The following NOL4L variants were observed in gnomAD, a reference collection of about 807,000 sequenced individuals.
The protein encoded by NOL4L is nucleolar protein 4 like.
A neutral mutation model predicts 64.5 loss-of-function variants in NOL4L; 7 were observed. The ratio of observed to expected loss-of-function variants is 0.11; its 90% CI spans 0.06 to 0.20. The LOEUF is 0.20. Ranked by LOEUF, NOL4L falls within the 10% of genes least tolerant of loss-of-function variation. NOL4L has a pLI of 1.00. For synonymous variants in NOL4L, 413 were observed against 401.0 expected, an observed-to-expected ratio of 1.03 and a Z score of -0.36; for missense variants, 680 against 967.1, an observed-to-expected ratio of 0.70 and a Z score of 3.94.
intron 5 of NOL4L, among the ~76,000 whole-genome samples, chr20:32,456,698 C>T (rs915935185): frequency 6.6e-6 from 1 of 152,212 alleles, no homozygotes; most frequent in Non-Finnish European, 1.5e-5. Context: ...GGAGACCGAG[C>T]TCCAAGGGTT....
At position 32,460,204 on chromosome 20, in the gene NOL4L, C is replaced by CCA. The variant is rs1041091232; in HGVS notation, c.842-3811_842-3810dup. ...GGCAAATTTTATGTCACACATTTTA[C>CCA]CACACACACAGAACCCAGACCAAAA... is the stretch of plus-strand genomic sequence containing the variant. On this transcript the variant is annotated intron_variant, in intron 5 of 10. Coordinates refer to ENST00000621426, the MANE Select transcript of NOL4L (RefSeq NM_001256798.2). This position sits in a 1 kb window ranked among gnomAD's most constrained non-coding sequence, Gnocchi z 5.7. 2.0e-5 allele frequency among the ~76,000 whole-genome samples: 3 copies of CCA among 152,190 alleles called. No individual in the cohort carries two copies. The highest frequency in any genetic ancestry group is 7.2e-5 in the African/African-American group (3 of 41,444).
At chr20:32,498,175 T>G (rs976575114) in intron 4 of NOL4L, among the ~76,000 whole-genome samples, 12 of 152,248 alleles carry the variant, frequency 7.9e-5, no homozygotes, top group Non-Finnish European at 1.8e-4. Flanking sequence ...GACAGGGTGG[T>G]GGCTGTTTTC....
At chr20:32,512,552 G>A (rs941905879) in intron 3 of NOL4L, among the ~76,000 whole-genome samples, 2 of 152,180 alleles carry the variant, frequency 1.3e-5, no homozygotes, top group African/African-American at 4.8e-5. Context: ...GCAAAGTACA[G>A]AAAGATGTAA....
chr20:32,471,033 G>C (rs540103457), intron 5 of NOL4L, among the ~76,000 whole-genome samples: 5 of 152,374 alleles, frequency 3.3e-5, no homozygotes, highest in Non-Finnish European at 7.3e-5. Context: ...GGACTTCAGA[G>C]TGTGGGGAAC....
intron 1 of NOL4L, among the ~76,000 whole-genome samples, chr20:32,553,394 G>A (rs1056104857): frequency 3.3e-5 from 5 of 152,042 alleles, no homozygotes; most frequent in East Asian, 1.9e-4. Flanking sequence ...ACTTCCTGCC[G>A]CAGGGCCTTT....
rs531745155 is a variant in NOL4L at position 32,516,190 on chromosome 20, G to A, written c.589+4621C>T. ...GCGTCGAAGGATGTGTGCACGATGG[G>A]GGCCTGGCACAGAGAGGCCGTGAGA... is the stretch of plus-strand genomic sequence containing the variant. On this transcript the variant is annotated intron_variant, in intron 3 of 10. Coordinates refer to ENST00000621426, the MANE Select transcript of NOL4L (RefSeq NM_001256798.2). Among the ~76,000 whole-genome samples the A allele has an allele frequency of 3.3e-5, 5 of 152,194 alleles. No individual in the cohort carries two copies. In the South Asian group the frequency reaches 6.2e-4, roughly 19 times the overall value.
chr20:32,514,709 T>C (rs573100447), intron 3 of NOL4L, among the ~76,000 whole-genome samples: 4 of 152,198 alleles, frequency 2.6e-5, no homozygotes, highest in East Asian at 1.9e-4. Flanking sequence ...GCCCCATACA[T>C]TGACCGGGTC....
chr20:32,447,180 A>C lies in NOL4L; in HGVS notation c.*416T>G. 1 of 461,220 alleles carries C rather than the reference A, an allele frequency of 2.2e-6. No individual in the cohort carries two copies. Among genetic ancestry groups the C allele is most frequent in the African/African-American group, 2.0e-5 (1 of 50,058 alleles). 28.6% of individuals were successfully genotyped at this position (461,220 alleles called of 1,614,324 possible). On this transcript the variant is annotated 3_prime_UTR_variant, in exon 11 of 11. Coordinates refer to ENST00000621426, the MANE Select transcript of NOL4L (RefSeq NM_001256798.2). The stretch of plus-strand genomic sequence containing the variant: ...CAGAAAAATAAATTACTAAGGGGAG[A>C]GGAAGAAAGGGTCCACTTTGCTTTT...
chr20:32,528,205 CG>C (rs2018208693), intron 1 of NOL4L, among the ~76,000 whole-genome samples: 1 of 152,220 alleles, frequency 6.6e-6, no homozygotes. Flanking sequence ...GTGCCAGACT[CG>C]GGCGGGGAGC....
chr20:32,485,092 T>TG (rs1555795791), intron 4 of NOL4L, among the ~76,000 whole-genome samples: 17 of 49,982 alleles, frequency 3.4e-4, no homozygotes, highest in African/African-American at 1.2e-3. Context: ...AAAAAACAAC[T>TG]AAAAAAAAAC....
rs181332563 is a variant in NOL4L at position 32,524,140 on chromosome 20, G to A, written c.478-3218C>T. Reference sequence around the variant, plus strand: ...AGGGCTTGTTCCAACCCAGAAGGGTGCAGAAATCAGAAAAGCAGGAAGGCC... The same window carrying A: ...AGGGCTTGTTCCAACCCAGAAGGGTACAGAAATCAGAAAAGCAGGAAGGCC... On this transcript the variant is annotated intron_variant, in intron 2 of 10. Coordinates refer to ENST00000621426, the MANE Select transcript of NOL4L (RefSeq NM_001256798.2). Among the ~76,000 whole-genome samples, 20 of 152,304 alleles carry A rather than the reference G, an allele frequency of 1.3e-4. No homozygotes were observed. In the East Asian group the frequency reaches 3.5e-3, roughly 26 times the overall value.
intron 4 of NOL4L, among the ~76,000 whole-genome samples, chr20:32,492,280 T>G (rs1231202692): frequency 6.6e-6 from 1 of 152,182 alleles, no homozygotes; most frequent in Non-Finnish European, 1.5e-5. Flanking sequence ...ACGCATGCCA[T>G]AACACAGATG....
At chr20:32,475,535 G>A (rs1043646700) in intron 4 of NOL4L, among the ~76,000 whole-genome samples, 2 of 152,260 alleles carry the variant, frequency 1.3e-5, no homozygotes, top group African/African-American at 4.8e-5. Flanking sequence ...AGTCATCCGG[G>A]AACCCCCGGG....
chr20:32,507,840 C>T (rs1410418844), intron 4 of NOL4L, among the ~76,000 whole-genome samples: 1 of 151,966 alleles, frequency 6.6e-6, no homozygotes, highest in Non-Finnish European at 1.5e-5. Flanking sequence ...AACCATGTCT[C>T]TACTAAAAAT....
In NOL4L at chr20:32,443,070, G is replaced by A. The variant is rs2012199508; in HGVS notation, c.*4526C>T. 1 of 152,154 alleles carries A rather than the reference G, an allele frequency of 6.6e-6. No individual in the cohort carries two copies. Among genetic ancestry groups the A allele is most frequent in the Non-Finnish European group, 1.5e-5 (1 of 68,028 alleles). 9.4% of individuals were successfully genotyped at this position (152,154 alleles called of 1,614,324 possible). On this transcript the variant is annotated 3_prime_UTR_variant, in exon 11 of 11. Coordinates refer to ENST00000621426, the MANE Select transcript of NOL4L (RefSeq NM_001256798.2). ...GTGGAAGCAGAGCATTCGGTTTGTT[G>A]TTCAGTGTTTATTAAGTAGATTCAG... is the stretch of plus-strand genomic sequence containing the variant.
chr20:32,528,206 G>A (rs1006940088), intron 1 of NOL4L, among the ~76,000 whole-genome samples: 4 of 152,234 alleles, frequency 2.6e-5, no homozygotes, highest in South Asian at 4.1e-4. Context: ...TGCCAGACTC[G>A]GGCGGGGAGC....
At chr20:32,452,673 T>C (rs71338908) in intron 9 of NOL4L, among the ~76,000 whole-genome samples, 4,570 of 152,260 alleles carry the variant, frequency 0.03, 116 homozygotes, top group Non-Finnish European at 0.044. Flanking sequence ...GGTCTCCAGA[T>C]GAAGTCCAGG....
At chr20:32,483,271 T>C in intron 4 of NOL4L, 1 of 789,668 alleles carries the variant, frequency 1.3e-6, no homozygotes, top group Non-Finnish European at 1.5e-6. Flanking sequence ...TAACCGCAGC[T>C]CAACGGCCGG....
chr20:32,583,241 G>C lies in NOL4L; in HGVS notation c.321+1329C>G, dbSNP rs935387881. On this transcript the variant is annotated intron_variant, in intron 1 of 10. Coordinates refer to ENST00000621426, the MANE Select transcript of NOL4L (RefSeq NM_001256798.2). ...CCTGCAGCCCCGTCCCCTGGGCGCG[G>C]GGGGAGGCGCCTCCGGATCTGCTCC... Among the ~76,000 whole-genome samples the C allele has an allele frequency of 5.0e-4, 76 of 151,686 alleles. 1 individual carries two copies. Among genetic ancestry groups the C allele is most frequent in the African/African-American group, 1.6e-3 (65 of 41,460 alleles).
Sources: gnomAD v4.1 joint callset for allele counts (sites outside exome capture counted in the v4.1 genomes callset) on GRCh38, gnomAD v4.1.1 for gene constraint, Gnocchi (gnomAD v3.1) non-coding constraint, MANE v1.5 for transcripts, NCBI Gene and HGNC (gene_info 2026-07-23, HGNC 2026-07-21) for gene names.